Variants in CDH18 observed in about 807,000 individuals in gnomAD.
CDH18 encodes cadherin-18.
Under a neutral mutation model 67.9 loss-of-function variants are expected in CDH18, and 31 were observed. The ratio of observed to expected loss-of-function variants is 0.46; its 90% confidence interval spans 0.34 to 0.62. The LOEUF is 0.62. Ranked by LOEUF, CDH18 falls within the 20% of genes least tolerant of loss-of-function variation. The probability of loss-of-function intolerance (pLI) is 0.01; values close to 1 mark genes in which losing one functional copy is unlikely to be tolerated. For synonymous variants in CDH18, 362 were observed against 347.2 expected, an observed-to-expected ratio of 1.04 and a Z score of -0.48; for missense variants, 890 against 975.5, an observed-to-expected ratio of 0.91 and a Z score of 1.17.
intron 2 of CDH18, among the ~76,000 whole-genome samples, chr5:19,839,887 T>C (rs1220883089): frequency 2.0e-5 from 3 of 152,040 alleles, no homozygotes; most frequent in South Asian, 2.1e-4. Context: ...ATTCTAGCAA[T>C]TATCTAAAGA....
At chr5:19,707,919 T>C (rs897437014) in intron 5 of CDH18, among the ~76,000 whole-genome samples, 19 of 152,232 alleles carry the variant, frequency 1.2e-4, no homozygotes, top group African/African-American at 4.6e-4. Context: ...CCCTTCTCCA[T>C]CTGCATGCCA....
intron 2 of CDH18, among the ~76,000 whole-genome samples, chr5:20,142,451 G>C (rs1750318113): frequency 6.6e-6 from 1 of 151,788 alleles, no homozygotes; most frequent in South Asian, 2.1e-4. Context: ...GTGGTGGCAA[G>C]CACCCGTAGT....
intron 9 of CDH18, among the ~76,000 whole-genome samples, chr5:19,524,073 AG>A (rs1747354827): frequency 6.6e-6 from 1 of 152,092 alleles, no homozygotes; most frequent in Admixed American, 6.6e-5. Flanking sequence ...GATAATGTTT[AG>A]GATAATGCTT....
At chr5:19,480,715 C>A (rs569662990) in intron 12 of CDH18, among the ~76,000 whole-genome samples, 1 of 151,960 alleles carries the variant, frequency 6.6e-6, no homozygotes, top group African/African-American at 2.4e-5. Flanking sequence ...ACTTTCCTCT[C>A]CACCATACAT....
intron 3 of CDH18, among the ~76,000 whole-genome samples, chr5:19,751,811 A>C (rs1770883343): frequency 6.6e-6 from 1 of 152,348 alleles, no homozygotes; most frequent in African/African-American, 2.4e-5. Flanking sequence ...TTAAAAATTT[A>C]ATCCATCAAG....
intron 2 of CDH18, among the ~76,000 whole-genome samples, chr5:19,849,821 G>A (rs1186625529): frequency 6.7e-6 from 1 of 149,154 alleles, no homozygotes; most frequent in Non-Finnish European, 1.5e-5. Context: ...CACACACAGA[G>A]GCACTCTATA....
chr5:19,722,346 G>A (rs773944496), intron 4 of CDH18, among the ~76,000 whole-genome samples: 2 of 151,826 alleles, frequency 1.3e-5, no homozygotes, highest in East Asian at 1.9e-4. Context: ...GAGCCACTGC[G>A]CACAGCCAAC....
chr5:19,569,234 T>C (rs577914171), intron 8 of CDH18, among the ~76,000 whole-genome samples: 1 of 152,324 alleles, frequency 6.6e-6, no homozygotes, highest in East Asian at 1.9e-4. Context: ...TTACTTGCTA[T>C]TCCCACAGGT....
chr5:19,847,915 A>G (rs904176813), intron 2 of CDH18: 1 of 152,206 alleles, frequency 6.6e-6, no homozygotes, highest in Non-Finnish European at 1.5e-5. Context: ...AAGAACCAGC[A>G]CAATGCTTGA....
intron 8 of CDH18, among the ~76,000 whole-genome samples, chr5:19,558,083 T>A (rs1398372957): frequency 1.3e-5 from 2 of 152,000 alleles, no homozygotes; most frequent in South Asian, 2.1e-4. Context: ...AATTAAAAAA[T>A]TTTTTGAACT....
intron 10 of CDH18, among the ~76,000 whole-genome samples, chr5:19,518,160 A>T (rs1263751824): frequency 1.3e-5 from 2 of 152,082 alleles, no homozygotes; most frequent in Non-Finnish European, 2.9e-5. Context: ...AAAATATTTA[A>T]GCATATAAAA....
chr5:20,328,661 A>G (rs1024398927), intron 1 of CDH18, among the ~76,000 whole-genome samples: 1 of 152,122 alleles, frequency 6.6e-6, no homozygotes, highest in East Asian at 1.9e-4. Flanking sequence ...TTGGCTAAAT[A>G]AACCTCTACT....
chr5:20,170,508 T>C (rs1386422581), intron 2 of CDH18, among the ~76,000 whole-genome samples: 1 of 152,046 alleles, frequency 6.6e-6, no homozygotes, highest in Non-Finnish European at 1.5e-5. Context: ...TAAATTAATA[T>C]AAATATGTAA....
At chr5:20,217,318 T>C (rs1740860132) in intron 2 of CDH18, among the ~76,000 whole-genome samples, 1 of 151,830 alleles carries the variant, frequency 6.6e-6, no homozygotes, top group African/African-American at 2.4e-5. Context: ...TGACAATAAC[T>C]TTTGAATACA....
chr5:20,198,660 G>C (rs1739187105), intron 2 of CDH18, among the ~76,000 whole-genome samples: 1 of 152,152 alleles, frequency 6.6e-6, no homozygotes, highest in Non-Finnish European at 1.5e-5. Flanking sequence ...AGGAGCCATA[G>C]GCTAATCACC....
At chr5:20,367,741 G>T (rs1742642523) in intron 1 of CDH18, among the ~76,000 whole-genome samples, 1 of 152,188 alleles carries the variant, frequency 6.6e-6, no homozygotes, top group Non-Finnish European at 1.5e-5. Context: ...TTACTAACTG[G>T]TAAGTGAAGT....
intron 3 of CDH18, among the ~76,000 whole-genome samples, chr5:19,817,439 T>C (rs1054266828): frequency 9.1e-4 from 138 of 151,908 alleles, no homozygotes; most frequent in African/African-American, 3.1e-3. Flanking sequence ...CATTATTACA[T>C]GTAATAGCAA....
chr5:19,605,947 C>T (rs1284930386), intron 6 of CDH18, among the ~76,000 whole-genome samples: 1 of 152,020 alleles, frequency 6.6e-6, no homozygotes, highest in Non-Finnish European at 1.5e-5. Context: ...GTAGACACAT[C>T]CACTACTTTG....
At chr5:20,342,425 C>G (rs1298986400) in intron 1 of CDH18, among the ~76,000 whole-genome samples, 1 of 152,126 alleles carries the variant, frequency 6.6e-6, no homozygotes, top group African/African-American at 2.4e-5. Flanking sequence ...ATGGCCTCCC[C>G]TGAGGCAGCT....
Sources: allele counts gnomAD v4.1 joint callset (sites outside exome capture counted in the v4.1 genomes callset), GRCh38; gene constraint gnomAD v4.1.1; transcripts MANE v1.5; gene names NCBI Gene and HGNC (gene_info 2026-07-23, HGNC 2026-07-21).